The following CDC73 variants were observed in gnomAD, a reference collection of about 807,000 sequenced individuals.
CDC73 encodes parafibromin.
CDC73 carries 21 observed loss-of-function variants against 83.7 expected under a neutral mutation model. The ratio of observed to expected loss-of-function variants is 0.25; its 90% CI spans 0.18 to 0.36. The LOEUF is 0.36. CDC73 is among the 10% of genes least tolerant of loss of function. CDC73 has a pLI of 1.00. For missense variants in CDC73, 342 were observed against 653.3 expected (o/e 0.52, Z 5.19); for synonymous variants, 224 against 212.9 (o/e 1.05, Z -0.45).
chr1:193,177,877 A>G (rs1305952282), intron 10 of CDC73, among the ~76,000 whole-genome samples: 4 of 152,224 alleles, frequency 2.6e-5, no homozygotes, highest in Non-Finnish European at 2.9e-5. Flanking sequence ...CACCACTTAT[A>G]TACTTGATCA....
Position 193,132,895 on chromosome 1 carries a change from A to ATTT in CDC73, c.308-2475_308-2473dup, listed in dbSNP as rs781435930. Among the ~76,000 whole-genome samples, 137 of 113,162 alleles carry ATTT rather than the reference A, an allele frequency of 1.2e-3. 1 individual carries two copies. Among genetic ancestry groups the ATTT allele is most frequent in the East Asian group, 7.3e-3 (22 of 3,008 alleles). The allele number at this position is 113,162 out of a possible 152,430, so 74.2% of individuals were successfully genotyped here. On this transcript the variant is annotated intron_variant, in intron 3 of 16. Transcript: ENST00000367435. ...TATCCATCTATGTCATTTCCTGTAG[A>ATTT]TTTTTTTTTTTTTTTTTTTTTTTGA...
intron 15 of CDC73, among the ~76,000 whole-genome samples, chr1:193,239,306 C>T (rs1026525558): frequency 6.6e-6 from 1 of 152,116 alleles, no homozygotes; most frequent in Non-Finnish European, 1.5e-5. Flanking sequence ...GATCTTTCTG[C>T]TTTCACTCTT....
chr1:193,245,620 A>G (rs1213226317), intron 15 of CDC73, among the ~76,000 whole-genome samples: 2 of 152,158 alleles, frequency 1.3e-5, no homozygotes, highest in Non-Finnish European at 2.9e-5. Context: ...TCTCTTCAGT[A>G]TACTCATTTC....
At chr1:193,125,252 A>G (rs1315949860) in intron 2 of CDC73, 35 bp downstream of exon 2, 2 of 1,197,352 alleles carry the variant, frequency 1.7e-6, no homozygotes, top group South Asian at 2.4e-5. Context: ...CTATCTATTT[A>G]TCAGTTTTAT....
At chr1:193,204,212 T>TATAC (rs1292445738) in intron 11 of CDC73, among the ~76,000 whole-genome samples, 113 of 14,968 alleles carry the variant, frequency 7.5e-3, no homozygotes, top group African/African-American at 0.031. Context: ...TACGTGTATA[T>TATAC]ATATGTATAT....
intron 10 of CDC73, chr1:193,180,230 G>A (rs1389579200): frequency 2.1e-6 from 3 of 1,425,596 alleles, no homozygotes; most frequent in East Asian, 4.6e-5. Context: ...GATGTAATCA[G>A]TTCTAACTAT....
At chr1:193,199,046 T>C (rs1677046430) in intron 10 of CDC73, among the ~76,000 whole-genome samples, 1 of 152,144 alleles carries the variant, frequency 6.6e-6, no homozygotes, top group Non-Finnish European at 1.5e-5. Flanking sequence ...ATCTGTATAT[T>C]TAAAGGGAGG....
intron 10 of CDC73, among the ~76,000 whole-genome samples, chr1:193,166,161 A>AT (rs562767681): frequency 2.3e-4 from 35 of 151,202 alleles, no homozygotes; most frequent in African/African-American, 3.4e-4. Context: ...GTTTAAGTGC[A>AT]TTTTTTTTTC....
intron 7 of CDC73, among the ~76,000 whole-genome samples, chr1:193,145,655 C>T (rs964169034): frequency 6.6e-6 from 1 of 151,946 alleles, no homozygotes; most frequent in Non-Finnish European, 1.5e-5. Context: ...TACTGTAGTT[C>T]ACACAAACTT....
Position 193,252,386 on chromosome 1 carries a change from T to C in CDC73, c.*1674T>C, listed in dbSNP as rs1347731452. On this transcript the variant is annotated 3_prime_UTR_variant, in exon 17 of 17. Transcript: ENST00000367435. ...TGAAATAGTCAAGGACCAGAATCTG[T>C]AATATTTTTATGTAAGATTACTTGT... 2.6e-5 allele frequency: 6 copies of C among 229,800 alleles called. No individual in the cohort carries two copies. The highest frequency in any genetic ancestry group is 1.3e-4 in the African/African-American group (6 of 45,184). 14.2% of individuals were successfully genotyped at this position (229,800 alleles called of 1,614,324 possible).
chr1:193,179,048 A>T (rs972690998), intron 10 of CDC73: 1 of 152,190 alleles, frequency 6.6e-6, no homozygotes, highest in Non-Finnish European at 1.5e-5. Context: ...CACTCAGTAA[A>T]GTTTTTTGTT....
At chr1:193,207,582 A>G (rs1194439772) in intron 11 of CDC73, among the ~76,000 whole-genome samples, 1 of 152,116 alleles carries the variant, frequency 6.6e-6, no homozygotes. Context: ...GAATTCAGCG[A>G]TATCTCTCTT....
chr1:193,235,912 A>C (rs1179316838), intron 14 of CDC73, among the ~76,000 whole-genome samples: 1 of 152,216 alleles, frequency 6.6e-6, no homozygotes, highest in Non-Finnish European at 1.5e-5. Flanking sequence ...ATCAACCACT[A>C]TTCCCTATTA....
Position 193,233,125 on chromosome 1 carries a change from C to G in CDC73, c.1287C>G (p.Asp429Glu). The change falls in exon 14 of 17, where the codon GAC (aspartate) becomes GAG (glutamate). Residue 429 changes from aspartate (D) to glutamate (E), a missense_variant. Around this residue, in one of 3 missense-constraint regions of CDC73, gnomAD observed 239 missense variants for 420.6 expected, o/e 0.57. Coordinates refer to ENST00000367435, the MANE Select transcript of CDC73 (RefSeq NM_024529.5). ...TTACAGTACCTTATAGAGTAGTAGACCAGCCCCTTAAACTTATGCCTCAAG... is the reference window on the plus strand; with the variant it reads ...TTACAGTACCTTATAGAGTAGTAGAGCAGCCCCTTAAACTTATGCCTCAAG... The part of the protein sequence containing the change: ...ISVTVPYRVV[D>E]QPLKLMPQDW... 1 of 1,613,202 alleles carries G rather than the reference C, an allele frequency of 6.2e-7. No homozygotes were observed. Among genetic ancestry groups the G allele is most frequent in the Non-Finnish European group, 8.5e-7 (1 of 1,179,264 alleles).
At chr1:193,201,667 A>G (rs1463809273) in intron 10 of CDC73, among the ~76,000 whole-genome samples, 1 of 152,194 alleles carries the variant, frequency 6.6e-6, no homozygotes, top group Non-Finnish European at 1.5e-5. Flanking sequence ...TTGGTATTTA[A>G]AAGGATCAAG....
At chr1:193,227,498 A>C (rs1256550686) in intron 13 of CDC73, among the ~76,000 whole-genome samples, 3 of 152,144 alleles carry the variant, frequency 2.0e-5, no homozygotes, top group Non-Finnish European at 4.4e-5. Flanking sequence ...AAAAGTTACA[A>C]GAATGGAAAC....
intron 12 of CDC73, 109 bp downstream of exon 12, chr1:193,212,209 C>T: frequency 2.0e-6 from 2 of 980,416 alleles, no homozygotes; most frequent in Non-Finnish European, 3.1e-6. Context: ...GCTTGGTATC[C>T]ATTCTGATTT....
Position 193,254,674 on chromosome 1 carries a change from G to A in CDC73, c.*3962G>A, listed in dbSNP as rs1252958294. Among the ~76,000 whole-genome samples the A allele has an allele frequency of 1.3e-5, 2 of 151,982 alleles. No individual in the cohort carries two copies. The highest frequency in any genetic ancestry group is 4.8e-5 in the African/African-American group (2 of 41,384). On this transcript the variant is annotated 3_prime_UTR_variant, in exon 17 of 17. Coordinates refer to ENST00000367435, the MANE Select transcript of CDC73 (RefSeq NM_024529.5). ...ACTTGCAGGTTTTTTATGTGTTTTGGGTTTCTGTGTATTATTTTAGGTAAT... is the reference window on the plus strand; with the variant it reads ...ACTTGCAGGTTTTTTATGTGTTTTGAGTTTCTGTGTATTATTTTAGGTAAT...
chr1:193,230,205 G>A (rs1420728393), intron 13 of CDC73, among the ~76,000 whole-genome samples: 1 of 149,682 alleles, frequency 6.7e-6, no homozygotes, highest in African/African-American at 2.5e-5. Context: ...CTGGAGGGCA[G>A]TGGTGTGATC....
Sources: allele counts gnomAD v4.1 joint callset (sites outside exome capture counted in the v4.1 genomes callset), GRCh38; gene constraint gnomAD v4.1.1; regional missense constraint gnomAD v4.1.1; transcripts MANE v1.5; gene names NCBI Gene and HGNC (gene_info 2026-07-23, HGNC 2026-07-21).